KCNN1: variants seen among roughly 807,000 people sequenced by gnomAD.
KCNN1 encodes small conductance calcium-activated potassium channel protein 1.
KCNN1 carries 20 observed loss-of-function variants against 44.7 expected under a neutral mutation model. The ratio of observed to expected loss-of-function variants is 0.45; its 90% CI spans 0.32 to 0.65. The LOEUF is 0.65. KCNN1 is among the 30% of genes least tolerant of loss of function. KCNN1 has a pLI of 0.05. For missense variants in KCNN1, 632 were observed against 785.3 expected, an observed-to-expected ratio of 0.80 and a Z score of 2.33; for synonymous variants, 324 against 341.7, an observed-to-expected ratio of 0.95 and a Z score of 0.57.
At chr19:17,995,835 C>T in intron 9 of KCNN1, among the ~76,000 whole-genome samples, 1 of 152,096 alleles carries the variant, frequency 6.6e-6, no homozygotes, top group Admixed American at 6.6e-5. Flanking sequence ...ATCCACCTGC[C>T]TTGGCCTCCC....
In KCNN1 at chr19:17,974,426, T is replaced by A; in HGVS notation, c.402+136T>A. The A allele has an allele frequency of 4.1e-6, 4 of 981,030 alleles. No homozygotes were observed. Among genetic ancestry groups the A allele is most frequent in the Non-Finnish European group, 5.8e-6 (4 of 695,200 alleles). 60.8% of individuals were successfully genotyped at this position (981,030 alleles called of 1,614,324 possible). ...GGGGCTCCCGGAGGTGAGGGCTCCC[T>A]GGCCTTCTGCATACCCACCTCCAGG... On this transcript the variant is annotated intron_variant, in intron 2 of 9. Transcript: ENST00000684775. This position sits in a 1 kb window ranked among gnomAD's most constrained non-coding sequence, Gnocchi z 7.3.
Position 17,999,748 on chromosome 19 carries a change from C to T in KCNN1, c.*1342C>T, listed in dbSNP as rs1032327540. 16 of 317,442 alleles carry T rather than the reference C, an allele frequency of 5.0e-5. No individual in the cohort carries two copies. The highest frequency in any genetic ancestry group is 1.6e-4 in the East Asian group (2 of 12,726). 19.7% of individuals were successfully genotyped at this position (317,442 alleles called of 1,614,324 possible). ...CGAGGAGGCCTGGCTCCTGGGGAGA[C>T]GACGCTGTGCATAGCCGAGGAGCCC... On this transcript the variant is annotated 3_prime_UTR_variant, in exon 10 of 10. Coordinates refer to ENST00000684775, the MANE Select transcript of KCNN1 (RefSeq NM_001386974.1).
chr19:17,989,658 C>G (rs1393057625), intron 6 of KCNN1, 58 bp from the exon 7 acceptor site: 1 of 1,610,872 alleles, frequency 6.2e-7, no homozygotes, highest in African/African-American at 1.3e-5. Flanking sequence ...CTAGACATTT[C>G]TGGAGCCTTT....
intron 9 of KCNN1, among the ~76,000 whole-genome samples, chr19:17,995,020 G>A (rs2032934418): frequency 6.6e-6 from 1 of 152,222 alleles, no homozygotes; most frequent in Admixed American, 6.5e-5. Flanking sequence ...TCAGCTTGAG[G>A]CTAATTTCAT....
chr19:17,975,315 A>T (rs1448567149), intron 3 of KCNN1, 128 bp downstream of exon 3: 1 of 627,516 alleles, frequency 1.6e-6, no homozygotes, highest in African/African-American at 1.8e-5. Flanking sequence ...TAGAAAAAAG[A>T]TCTCCATAAA....
rs1307860354 is a variant in KCNN1, at chr19:17,974,963, G to T, written c.403-129G>T. 4 of 686,442 alleles carry T rather than the reference G, an allele frequency of 5.8e-6. No homozygotes were observed. The highest frequency in any genetic ancestry group is 1.0e-5 in the Non-Finnish European group (4 of 384,796). The allele number at this position is 686,442 out of a possible 1,614,324, so 42.5% of individuals were successfully genotyped here. A position where few individuals can be genotyped will look rare whatever the true frequency, so the allele number is the denominator to read the frequency against. On this transcript the variant is annotated intron_variant, in intron 2 of 9. Coordinates refer to ENST00000684775, the MANE Select transcript of KCNN1 (RefSeq NM_001386974.1). This position sits in a 1 kb window ranked among gnomAD's most constrained non-coding sequence, Gnocchi z 7.3. Reference sequence around the variant, plus strand: ...GGAACTAGCAGAAATTCAGGGTACAGTGGGAGAAGCCACTGGGAAGAGCCC... The same window carrying T: ...GGAACTAGCAGAAATTCAGGGTACATTGGGAGAAGCCACTGGGAAGAGCCC...
intron 2 of KCNN1, among the ~76,000 whole-genome samples, chr19:17,955,727 C>G (rs2031527684): frequency 6.6e-6 from 1 of 151,728 alleles, no homozygotes; most frequent in Admixed American, 6.6e-5. Flanking sequence ...TCAGAGAGGC[C>G]AGATGACCTA....
rs2033090499 is a variant in KCNN1, at chr19:17,998,712, C to G, written c.*306C>G. The G allele has an allele frequency of 3.2e-6, 1 of 311,378 alleles. No individual in the cohort carries two copies. The highest frequency in any genetic ancestry group is 2.2e-5 in the African/African-American group (1 of 46,190). 19.3% of individuals were successfully genotyped at this position (311,378 alleles called of 1,614,324 possible). A position where few individuals can be genotyped will look rare whatever the true frequency, so the allele number is the denominator to read the frequency against. Reference sequence around the variant, plus strand: ...GAATAAAGCAGGACCCGCCTAGTGGCTGCCTGTGTGCATGGCTGGAAGGCA... The same window carrying G: ...GAATAAAGCAGGACCCGCCTAGTGGGTGCCTGTGTGCATGGCTGGAAGGCA... On this transcript the variant is annotated 3_prime_UTR_variant, in exon 10 of 10. Coordinates refer to ENST00000684775, the MANE Select transcript of KCNN1 (RefSeq NM_001386974.1). The surrounding 1 kb of genome is among the most constrained non-coding windows in gnomAD (Gnocchi z 5.4).
intron 3 of KCNN1, among the ~76,000 whole-genome samples, chr19:17,978,262 G>A (rs2145935852): frequency 6.6e-6 from 1 of 150,998 alleles, no homozygotes; most frequent in East Asian, 2.0e-4. Context: ...GAGTAGCTGG[G>A]ATTACAGGTA....
intron 2 of KCNN1, among the ~76,000 whole-genome samples, chr19:17,961,866 G>C (rs543934652): frequency 6.6e-6 from 1 of 152,232 alleles, no homozygotes; most frequent in East Asian, 1.9e-4. Context: ...TGGGATTACA[G>C]GCATGAGCCA....
At chr19:17,994,446 CAAA>C (rs767149586) in intron 9 of KCNN1, among the ~76,000 whole-genome samples, 17 of 89,096 alleles carry the variant, frequency 1.9e-4, no homozygotes, top group African/African-American at 3.6e-4. Context: ...GACCCTGTCT[CAAA>C]AAAAAAAAAA....
Position 17,993,555 on chromosome 19 carries a change from C to A in KCNN1, c.1373C>A (p.Ala458Asp), listed in dbSNP as rs1279527659. 4 of 1,612,744 alleles carry A rather than the reference C, an allele frequency of 2.5e-6. No individual in the cohort carries two copies. Among genetic ancestry groups the A allele is most frequent in the Non-Finnish European group, 3.4e-6 (4 of 1,178,844 alleles). Residue 458 changes from alanine to aspartate, a missense_variant, in exon 9 of 10, where the codon GCC (alanine) becomes GAC (aspartate). By Grantham distance (126) the Ala-to-Asp change is moderately radical. Coordinates refer to ENST00000684775, the MANE Select transcript of KCNN1 (RefSeq NM_001386974.1). This position sits in a 1 kb window ranked among gnomAD's most constrained non-coding sequence, Gnocchi z 4.5. ...NDQANTLTDL[A>D]KTQTVMYDLV... ...CAGGCTAACACGCTTACCGACCTAG[C>A]CAAGGTGAGTGGGTTGGGGCAGGGT...
intron 4 of KCNN1, among the ~76,000 whole-genome samples, chr19:17,982,810 G>A (rs1236980394): frequency 6.6e-6 from 1 of 152,126 alleles, no homozygotes; most frequent in Middle Eastern, 3.2e-3. Flanking sequence ...GATTAAGGAA[G>A]GGCTTGGCTC....
At chr19:17,992,986 T>G in intron 7 of KCNN1, 68 bp from the exon 8 acceptor site, 1 of 1,599,346 alleles carries the variant, frequency 6.3e-7, no homozygotes. Flanking sequence ...GTTGGGTACA[T>G]GCCGAACAAC....
chr19:17,994,580 G>T (rs113259272), intron 9 of KCNN1, among the ~76,000 whole-genome samples: 1 of 151,218 alleles, frequency 6.6e-6, no homozygotes, highest in Non-Finnish European at 1.5e-5. Flanking sequence ...GTCTTGCTCT[G>T]TCACCCAGGC....
At chr19:17,988,641 A>G (rs1457091961) in intron 6 of KCNN1, 116 bp downstream of exon 6, 1 of 790,210 alleles carries the variant, frequency 1.3e-6, no homozygotes, top group African/African-American at 1.7e-5. Flanking sequence ...GTTACCATGC[A>G]GCCCCGTGTC....
At chr19:17,991,232 G>T (rs898616196) in intron 7 of KCNN1, among the ~76,000 whole-genome samples, 14 of 151,910 alleles carry the variant, frequency 9.2e-5, no homozygotes, top group Non-Finnish European at 2.1e-4. Context: ...CAGGAGGATC[G>T]CTTGAGGCCA....
intron 4 of KCNN1, among the ~76,000 whole-genome samples, chr19:17,984,792 C>T (rs142267988): frequency 8.0e-4 from 122 of 152,254 alleles, no homozygotes; most frequent in African/African-American, 2.6e-3. Flanking sequence ...TTCCCAACCC[C>T]CAGATGCAAC....
At chr19:17,962,718 T>C (rs1294858496), upstream of KCNN1, among the ~76,000 whole-genome samples, 1 of 152,012 alleles carries the variant, frequency 6.6e-6, no homozygotes, top group Non-Finnish European at 1.5e-5. Flanking sequence ...TTTTTTTTTT[T>C]TCTTTTTGAG....
Sources: allele counts gnomAD v4.1 joint callset (sites outside exome capture counted in the v4.1 genomes callset), GRCh38; gene constraint gnomAD v4.1.1; non-coding constraint Gnocchi (gnomAD v3.1); transcripts MANE v1.5; gene names NCBI Gene and HGNC (gene_info 2026-07-23, HGNC 2026-07-21).